DYTN: variants seen among roughly 807,000 people sequenced by gnomAD.
DYTN encodes dystrotelin.
DYTN carries 75 observed loss-of-function variants against 69.6 expected under a neutral mutation model. The observed-to-expected ratio is 1.08, with a 90% CI of 0.89 to 1.31. DYTN has a LOEUF of 1.31. Ranked by LOEUF, DYTN falls within the 50% of genes most tolerant of loss-of-function variation. The probability of loss-of-function intolerance (pLI) is 0.00; values close to 1 mark genes in which losing one functional copy is unlikely to be tolerated. For missense variants in DYTN, 726 were observed against 688.4 expected, an observed-to-expected ratio of 1.05 and a Z score of -0.61; for synonymous variants, 252 against 249.1, an observed-to-expected ratio of 1.01 and a Z score of -0.11.
intron 11 of DYTN, among the ~76,000 whole-genome samples, chr2:206,658,223 G>A (rs1245773040): frequency 6.6e-6 from 1 of 151,804 alleles, no homozygotes. Context: ...CTATCTCTTT[G>A]TTGAAATTCT....
At chr2:206,716,446 A>G (rs1700131429) in intron 1 of DYTN, among the ~76,000 whole-genome samples, 1 of 152,188 alleles carries the variant, frequency 6.6e-6, no homozygotes. Flanking sequence ...GTGCCTAAAC[A>G]TTGTCGCCCA....
At chr2:206,655,298 C>A (rs975218154) in intron 11 of DYTN, among the ~76,000 whole-genome samples, 13 of 148,250 alleles carry the variant, frequency 8.8e-5, no homozygotes, top group Admixed American at 5.4e-4. Context: ...CAGGCTGGAG[C>A]ACAGTGATGT....
intron 5 of DYTN, among the ~76,000 whole-genome samples, chr2:206,703,353 A>T (rs1397580419): frequency 6.6e-6 from 1 of 152,060 alleles, no homozygotes; most frequent in East Asian, 1.9e-4. Flanking sequence ...CACCTGCTCG[A>T]GTCTTGTGAT....
intron 3 of DYTN, among the ~76,000 whole-genome samples, chr2:206,706,813 A>G (rs1240782700): frequency 6.6e-6 from 1 of 151,976 alleles, no homozygotes; most frequent in East Asian, 1.9e-4. Flanking sequence ...TATTGACTTC[A>G]GAGCATATGC....
intron 5 of DYTN, chr2:206,701,099 A>T (rs903328950): frequency 1.3e-5 from 2 of 152,220 alleles, no homozygotes; most frequent in Non-Finnish European, 2.9e-5. Context: ...GAGAAGCAGG[A>T]AAGAGTAGAT....
chr2:206,711,523 A>T (rs537898444), intron 1 of DYTN, among the ~76,000 whole-genome samples: 44 of 152,144 alleles, frequency 2.9e-4, no homozygotes, highest in South Asian at 8.3e-4. Context: ...TGTAGGCAAT[A>T]TACTTCCTAA....
At chr2:206,716,043 G>A (rs907134524) in intron 1 of DYTN, among the ~76,000 whole-genome samples, 7 of 152,064 alleles carry the variant, frequency 4.6e-5, no homozygotes, top group African/African-American at 7.2e-5. Context: ...AGCCAAGATC[G>A]CGCTACTGCA....
chr2:206,669,629 A>G (rs1390250642), intron 9 of DYTN, among the ~76,000 whole-genome samples: 1 of 152,220 alleles, frequency 6.6e-6, no homozygotes, highest in Non-Finnish European at 1.5e-5. Flanking sequence ...TCATTTTAAG[A>G]AGGTAAGTTA....
chr2:206,697,460 A>G (rs1046059731), intron 7 of DYTN, among the ~76,000 whole-genome samples: 17 of 152,202 alleles, frequency 1.1e-4, no homozygotes, highest in Non-Finnish European at 2.2e-4. Flanking sequence ...CTGCAAATGC[A>G]TGCCCTCTAA....
At chr2:206,706,690 T>C (rs35067838) in intron 3 of DYTN, among the ~76,000 whole-genome samples, 2,919 of 152,198 alleles carry the variant, frequency 0.019, 83 homozygotes, top group African/African-American at 0.067. Flanking sequence ...TTCTAAAGGA[T>C]GAAGTCTACT....
chr2:206,684,714 T>C (rs1272183463), intron 9 of DYTN, among the ~76,000 whole-genome samples: 1 of 152,198 alleles, frequency 6.6e-6, no homozygotes. Flanking sequence ...TTACATATTT[T>C]GTGTATTTTC....
At chr2:206,674,153 GTATTTTGAGGA>G (rs1456211019) in intron 9 of DYTN, among the ~76,000 whole-genome samples, 1 of 152,018 alleles carries the variant, frequency 6.6e-6, no homozygotes, top group Non-Finnish European at 1.5e-5. Context: ...CAGTAGTTGT[GTATTTTGAGGA>G]TATTATAGAT....
intron 9 of DYTN, among the ~76,000 whole-genome samples, chr2:206,672,189 A>G (rs1012420267): frequency 6.6e-6 from 1 of 152,210 alleles, no homozygotes; most frequent in African/African-American, 2.4e-5. Flanking sequence ...TAATATTTTA[A>G]CTTCTTATAC....
chr2:206,700,347 G>A (rs1699964460), intron 5 of DYTN, 131 bp from the exon 6 acceptor site: 2 of 948,570 alleles, frequency 2.1e-6, no homozygotes, highest in Non-Finnish European at 3.3e-6. Flanking sequence ...GAGGTGAACT[G>A]TCTCAATCCA....
chr2:206,665,327 T>C (rs2105888850), intron 10 of DYTN, among the ~76,000 whole-genome samples: 1 of 152,270 alleles, frequency 6.6e-6, no homozygotes, highest in Non-Finnish European at 1.5e-5. Flanking sequence ...TTTTTATGTT[T>C]TAGTTAGTGA....
At chr2:206,659,948 T>C (rs1699494640) in intron 11 of DYTN, among the ~76,000 whole-genome samples, 1 of 150,022 alleles carries the variant, frequency 6.7e-6, no homozygotes, top group South Asian at 2.1e-4. Context: ...TAGTATTTGT[T>C]GTATTACTAT....
In DYTN at chr2:206,708,636, G is replaced by A. The variant is rs571582406; in HGVS notation, c.95-1133C>T. On this transcript the variant is annotated intron_variant, in intron 2 of 11. Transcript: ENST00000452335. ...AGGCCGATTTCATCTCCTGCTGAGA[G>A]TTCTATATTACACCAAACCAGATAA... 3.3e-5 allele frequency among the ~76,000 whole-genome samples: 5 copies of A among 152,280 alleles called. No individual in the cohort carries two copies. The South Asian group carries it at 1.0e-3, about 32-fold the overall frequency.
chr2:206,698,217 T>C (rs1699941105), intron 7 of DYTN, among the ~76,000 whole-genome samples: 1 of 152,210 alleles, frequency 6.6e-6, no homozygotes, highest in African/African-American at 2.4e-5. Flanking sequence ...TGTTCATTTA[T>C]ATGTTTTATT....
intron 9 of DYTN, among the ~76,000 whole-genome samples, chr2:206,675,266 T>C: frequency 7.1e-6 from 1 of 139,988 alleles, no homozygotes; most frequent in East Asian, 1.9e-4. Flanking sequence ...TATGTGTATA[T>C]ATGTATGTAT....
Sources: gnomAD v4.1 joint callset for allele counts (sites outside exome capture counted in the v4.1 genomes callset) on GRCh38, gnomAD v4.1.1 for gene constraint, MANE v1.5 for transcripts, NCBI Gene and HGNC (gene_info 2026-07-23, HGNC 2026-07-21) for gene names.